ROBO1: variants seen among roughly 807,000 people sequenced by gnomAD.
The protein encoded by ROBO1 is roundabout guidance receptor 1, also known as roundabout homolog 1.
In ROBO1, 149 loss-of-function variants were observed where a neutral mutation model predicts 195.9. The ratio of observed to expected loss-of-function variants is 0.76; its 90% CI spans 0.67 to 0.87. The LOEUF (loss-of-function observed/expected upper bound fraction) is 0.87. Among genes scored for constraint, ROBO1 ranks in the 40% least tolerant of loss-of-function variants. The pLI is 0.00. For synonymous variants in ROBO1, 816 were observed against 733.2 expected (o/e 1.11, Z -1.82); for missense variants, 1,933 against 2,068.3 (o/e 0.93, Z 1.27).
At chr3:79,361,309 G>A (rs1284073883) in intron 2 of ROBO1, among the ~76,000 whole-genome samples, 3 of 151,744 alleles carry the variant, frequency 2.0e-5, no homozygotes, top group African/African-American at 4.8e-5. Flanking sequence ...ATTTAAAAAG[G>A]AGGTCAGATT....
Position 78,730,275 on chromosome 3 carries a change from G to T in ROBO1, c.658-12392C>A, listed in dbSNP as rs2082258873. Among the ~76,000 whole-genome samples, 2 of 64,384 alleles carry T rather than the reference G, an allele frequency of 3.1e-5. 1 individual carries two copies. The highest frequency in any genetic ancestry group is 5.0e-4 in the Admixed American group (2 of 3,978). The allele number at this position is 64,384 out of a possible 152,430, so 42.2% of individuals were successfully genotyped here. On this transcript the variant is annotated intron_variant, in intron 5 of 30. Transcript: ENST00000464233. ...GTGAGAAATTCCCTCACTACCAAATGCTTGCTAAGATAAAGCCTTTTCCAG... is the reference window on the plus strand; with the variant it reads ...GTGAGAAATTCCCTCACTACCAAATTCTTGCTAAGATAAAGCCTTTTCCAG...
intron 2 of ROBO1, among the ~76,000 whole-genome samples, chr3:79,230,529 A>C (rs187475011): frequency 1.6e-4 from 24 of 150,882 alleles, no homozygotes; most frequent in Non-Finnish European, 5.9e-5. Flanking sequence ...GCAAAGACTA[A>C]AAAAAAAATG....
intron 3 of ROBO1, among the ~76,000 whole-genome samples, chr3:79,017,450 A>AGTGTGTGTGTGTGTGTGTGTGT (rs60522056): frequency 1.5e-5 from 2 of 133,432 alleles, no homozygotes; most frequent in Non-Finnish European, 3.2e-5. Flanking sequence ...TCCGAGGTGC[A>AGTGTGTGTGTGTGTGTGTGTGT]GTGTGTGTGT....
At chr3:78,893,323 C>T (rs534287008) in intron 4 of ROBO1, among the ~76,000 whole-genome samples, 43 of 152,240 alleles carry the variant, frequency 2.8e-4, no homozygotes, top group African/African-American at 9.4e-4. Context: ...TCCATTGGCT[C>T]GCCCTTCTGC....
At chr3:78,757,788 T>C (rs2108346610) in intron 4 of ROBO1, among the ~76,000 whole-genome samples, 1 of 152,300 alleles carries the variant, frequency 6.6e-6, no homozygotes, top group African/African-American at 2.4e-5. Context: ...CAAGTCTAAA[T>C]AGCATACACA....
At chr3:78,688,294 G>A (rs1031349350) in intron 9 of ROBO1, among the ~76,000 whole-genome samples, 7 of 152,102 alleles carry the variant, frequency 4.6e-5, no homozygotes, top group African/African-American at 1.7e-4. Context: ...TGTTTTAAAT[G>A]TACATAAATC....
chr3:79,503,922 T>A (rs955400632), intron 2 of ROBO1, among the ~76,000 whole-genome samples: 1 of 152,304 alleles, frequency 6.6e-6, no homozygotes, highest in South Asian at 2.1e-4. Flanking sequence ...ATATTCTTAT[T>A]ATCTACATTT....
chr3:79,663,416 A>T (rs12489181), intron 1 of ROBO1, among the ~76,000 whole-genome samples: 45,143 of 151,950 alleles, frequency 0.3, 7,426 homozygotes, highest in East Asian at 0.5. Context: ...TTGACACATA[A>T]AAACAATTTT....
intron 2 of ROBO1, among the ~76,000 whole-genome samples, chr3:79,478,178 A>C (rs920861720): frequency 6.6e-6 from 1 of 152,184 alleles, no homozygotes; most frequent in African/African-American, 2.4e-5. Context: ...ACAGAAGAAA[A>C]TAATCAAGTG....
chr3:79,069,119 T>A (rs549904140), intron 3 of ROBO1, among the ~76,000 whole-genome samples: 97 of 152,002 alleles, frequency 6.4e-4, no homozygotes, highest in African/African-American at 2.2e-3. Flanking sequence ...TCAGGATTTA[T>A]AACTAATATT....
At chr3:78,877,407 T>A (rs2035919393) in intron 4 of ROBO1, among the ~76,000 whole-genome samples, 1 of 151,890 alleles carries the variant, frequency 6.6e-6, no homozygotes, top group Non-Finnish European at 1.5e-5. Context: ...AACAATTCTC[T>A]GATATGAAAT....
At position 78,703,323 on chromosome 3, in the gene ROBO1, C is replaced by A. The variant is rs538974099; in HGVS notation, c.1045+11074G>T. Among the ~76,000 whole-genome samples the A allele has an allele frequency of 2.6e-5, 4 of 152,226 alleles. No individual in the cohort carries two copies. In the East Asian group the frequency reaches 7.7e-4, roughly 29 times the overall value. The stretch of plus-strand genomic sequence containing the variant: ...CAGCATCTTATTTACGCCACTGGAT[C>A]AGAACAGTTAGGAGAGGGAGTTATT... On this transcript the variant is annotated intron_variant, in intron 8 of 30. Coordinates refer to ENST00000464233, the MANE Select transcript of ROBO1 (RefSeq NM_002941.4).
chr3:79,308,903 A>T (rs2033348275), intron 2 of ROBO1, among the ~76,000 whole-genome samples: 1 of 152,202 alleles, frequency 6.6e-6, no homozygotes, highest in African/African-American at 2.4e-5. Context: ...AAACAATTGA[A>T]CAATATTCAA....
chr3:79,688,123 A>C (rs573639924), intron 1 of ROBO1, among the ~76,000 whole-genome samples: 5 of 151,124 alleles, frequency 3.3e-5, no homozygotes, highest in Non-Finnish European at 7.4e-5. Flanking sequence ...GCAAGGACTA[A>C]AAACCAAACA....
chr3:78,676,724 G>A (rs1325579298), intron 10 of ROBO1, among the ~76,000 whole-genome samples: 1 of 152,160 alleles, frequency 6.6e-6, no homozygotes, highest in African/African-American at 2.4e-5. Flanking sequence ...GTGACGGGGA[G>A]AATGGAACCA....
At chr3:79,696,875 A>G (rs1947464432) in intron 1 of ROBO1, among the ~76,000 whole-genome samples, 1 of 151,482 alleles carries the variant, frequency 6.6e-6, no homozygotes, top group Non-Finnish European at 1.5e-5. Flanking sequence ...TGGGAAGTTG[A>G]TCCAATTTTC....
At chr3:78,990,362 A>C (rs2077208988) in intron 3 of ROBO1, among the ~76,000 whole-genome samples, 1 of 152,134 alleles carries the variant, frequency 6.6e-6, no homozygotes, top group South Asian at 2.1e-4. Context: ...AAAGTTTGCC[A>C]CCCGCTACGA....
At chr3:79,571,274 C>A (rs1294201788) in intron 2 of ROBO1, among the ~76,000 whole-genome samples, 1 of 151,956 alleles carries the variant, frequency 6.6e-6, no homozygotes, top group African/African-American at 2.4e-5. Flanking sequence ...CCAGATGAAT[C>A]CCATGTTACT....
At chr3:78,854,892 C>T (rs1257995758) in intron 4 of ROBO1, among the ~76,000 whole-genome samples, 37 of 151,998 alleles carry the variant, frequency 2.4e-4, no homozygotes. Flanking sequence ...CAAGAGTTTT[C>T]CAGGGAACCA....
Sources: gnomAD v4.1 joint callset for allele counts (sites outside exome capture counted in the v4.1 genomes callset) on GRCh38, gnomAD v4.1.1 for gene constraint, MANE v1.5 for transcripts, NCBI Gene and HGNC (gene_info 2026-07-23, HGNC 2026-07-21) for gene names.